RTL1: variants seen among roughly 807,000 people sequenced by gnomAD.
The protein encoded by RTL1 is retrotransposon Gag like 1, also known as retrotransposon-like protein 1.
For missense variants in RTL1, 1,681 were observed against 1,767.5 expected (o/e 0.95, Z 0.88); for synonymous variants, 727 against 748.4 (o/e 0.97, Z 0.47).
intron 2 of RTL1, among the ~76,000 whole-genome samples, chr14:100,896,991 C>A (rs2038866470): frequency 6.6e-6 from 1 of 152,116 alleles, no homozygotes; most frequent in Non-Finnish European, 1.5e-5. Context: ...CTTTTAAAGA[C>A]CAAAAAGTAA....
chr14:100,883,599 G>C lies in RTL1; in HGVS notation c.1190C>G (p.Pro397Arg). 1 of 1,551,400 alleles carries C rather than the reference G, an allele frequency of 6.4e-7. No homozygotes were observed. The highest frequency in any genetic ancestry group is 8.7e-7 in the Non-Finnish European group (1 of 1,146,970). Residue 397 changes from proline (P) to arginine (R), a missense_variant, in exon 4 of 4, where the codon CCC (proline) becomes CGC (arginine). Physicochemically the swap from Pro to Arg is moderately radical, Grantham distance 103. Transcript: ENST00000649591. The surrounding 1 kb of genome is among the most constrained non-coding windows in gnomAD (Gnocchi z 5.9). ...ATTGATGTCCGGATGGACTTCGCTG[G>C]GCAACCAGCTGCTGACCATCCACCT... ...PERWMVSSWLPSEVHPDINRA... is the reference protein window; with the variant it reads ...PERWMVSSWLRSEVHPDINRA...
In RTL1 at chr14:100,882,563, C is replaced by T; in HGVS notation, c.2226G>A (p.Gln742=). The T allele has an allele frequency of 3.9e-6, 6 of 1,551,790 alleles. No homozygotes were observed. Among genetic ancestry groups the T allele is most frequent in the Non-Finnish European group, 5.2e-6 (6 of 1,147,020 alleles). ...GGCGGACGTGGTGGAGGTGCTCCTC[C>T]TGACTCATTGAGTAGATCAGGACTT... ...GQEVLIYSMS[Q]EEHLHHVRQV... Residue 742 remains glutamine (Q), a synonymous_variant, in exon 4 of 4, where the codon CAG becomes CAA. Transcript: ENST00000649591.
At position 100,883,255 on chromosome 14, in the gene RTL1, G is replaced by C; in HGVS notation, c.1534C>G (p.His512Asp). 6.4e-7 allele frequency: 1 copy of C among 1,551,390 alleles called. No homozygotes were observed. The highest frequency in any genetic ancestry group is 8.7e-7 in the Non-Finnish European group (1 of 1,146,828). ...TTGATCCAGTCGACTTCGGGGGCGT[G>C]GACTCGGAGCCAGCGGATGCCTAGG... ...VVLGIRWLRVHAPEVDWIKGR... is the reference protein window; with the variant it reads ...VVLGIRWLRVDAPEVDWIKGR... Residue 512 changes from histidine (H) to aspartate (D), a missense_variant, in exon 4 of 4, where the codon CAC becomes GAC. His to Asp is a moderately conservative substitution (Grantham distance 81). Coordinates refer to ENST00000649591, the MANE Select transcript of RTL1 (RefSeq NM_001134888.3). This position sits in a 1 kb window ranked among gnomAD's most constrained non-coding sequence, Gnocchi z 5.9.
chr14:100,884,349 T>A lies in RTL1; in HGVS notation c.440A>T (p.Glu147Val). ...CTGGTTTTGCTCTTGAGGAGTCTCC[T>A]CCCTTCCCGATTCCTTCAGGTCAGT... Reference protein sequence around the residue: ...AHTDLKESGREETPQEQNQTE... With the variant: ...AHTDLKESGRVETPQEQNQTE... Residue 147 changes from glutamate to valine, a missense_variant, in exon 4 of 4, where the codon GAG becomes GTG. Physicochemically the swap from Glu to Val is moderately radical, Grantham distance 121. Transcript: ENST00000649591. 1.3e-6 allele frequency: 2 copies of A among 1,556,050 alleles called. No homozygotes were observed. The highest frequency in any genetic ancestry group is 1.7e-6 in the Non-Finnish European group (2 of 1,148,896).
In RTL1 at chr14:100,880,707, C is replaced by T. The variant is rs968677994; in HGVS notation, c.*5G>A. On this transcript the variant is annotated 3_prime_UTR_variant, in exon 4 of 4. Coordinates refer to ENST00000649591, the MANE Select transcript of RTL1 (RefSeq NM_001134888.3). ...GGACTCTTTGCTGGAGACAGGGAGG[C>T]GTCTTCAGTCGAGGTTAGCATCTTC... 1.6e-5 allele frequency: 25 copies of T among 1,550,558 alleles called. No homozygotes were observed. The highest frequency in any genetic ancestry group is 2.0e-5 in the Admixed American group (1 of 50,954).
At position 100,879,979 on chromosome 14, in the gene RTL1, C is replaced by G. The variant is rs1595331815; in HGVS notation, c.*733G>C. ...TGTTCAGTGTTGGGAGGGAAAGGCG[C>G]CCCAAGGCATGCAGGGGCCCTCTTT... On this transcript the variant is annotated 3_prime_UTR_variant, in exon 4 of 4. Coordinates refer to ENST00000649591, the MANE Select transcript of RTL1 (RefSeq NM_001134888.3). Among the ~76,000 whole-genome samples, 1 of 151,918 alleles carries G rather than the reference C, an allele frequency of 6.6e-6. No homozygotes were observed. Among genetic ancestry groups the G allele is most frequent in the Admixed American group, 6.6e-5 (1 of 15,252 alleles).
At chr14:100,889,797 C>T (rs1240386454) in intron 3 of RTL1, 1 of 152,174 alleles carries the variant, frequency 6.6e-6, no homozygotes, top group Non-Finnish European at 1.5e-5. Context: ...GGGGTTCCCT[C>T]CACACCTGCT....
rs1358857723 is a variant in RTL1, at chr14:100,881,569, C to T, written c.3220G>A (p.Ala1074Thr). ...LAHFSMAQIR[A>T]VILHFFRGLL... is the part of the protein sequence containing the mutation. ...CCTCGGAAGAAGTGCAGAATGACGGCCCTGATCTGGGCCATGCTGAAGTGG... is the reference window on the plus strand; with the variant it reads ...CCTCGGAAGAAGTGCAGAATGACGGTCCTGATCTGGGCCATGCTGAAGTGG... The change falls in exon 4 of 4, where the codon GCC becomes ACC. Residue 1074 changes from alanine (A) to threonine (T), a missense_variant. Coordinates refer to ENST00000649591, the MANE Select transcript of RTL1 (RefSeq NM_001134888.3). This position sits in a 1 kb window ranked among gnomAD's most constrained non-coding sequence, Gnocchi z 6.6. 1.3e-6 allele frequency: 2 copies of T among 1,551,754 alleles called. No homozygotes were observed. Among genetic ancestry groups the T allele is most frequent in the African/African-American group, 1.4e-5 (1 of 73,188 alleles).
In RTL1 at chr14:100,880,735, C is replaced by A. The variant is rs2038594988; in HGVS notation, c.4054G>T (p.Asp1352Tyr). The A allele has an allele frequency of 6.4e-7, 1 of 1,550,782 alleles. No homozygotes were observed. Among genetic ancestry groups the A allele is most frequent in the Non-Finnish European group, 8.7e-7 (1 of 1,146,960 alleles). Residue 1352 changes from aspartate (D) to tyrosine (Y), a missense_variant, in exon 4 of 4, where the codon GAC becomes TAC. Coordinates refer to ENST00000649591, the MANE Select transcript of RTL1 (RefSeq NM_001134888.3). ...CTTCAGTCGAGGTTAGCATCTTCGT[C>A]CTCATCAGGCAGCTCTTCTAGCCTT... ...QARLEELPDE[D>Y]EDANLD
At chr14:100,897,751 CG>C (rs67432304) in intron 2 of RTL1, 879 of 50,122 alleles carry the variant, frequency 0.018, 13 homozygotes, top group Middle Eastern at 0.047. Flanking sequence ...CCCTGGTTGG[CG>C]GGGGGGGGGG....
At chr14:100,891,800 T>A (rs4243730) in intron 3 of RTL1, among the ~76,000 whole-genome samples, 110,431 of 152,028 alleles carry the variant, frequency 0.73, 40,575 homozygotes, top group East Asian at 0.83. Flanking sequence ...CTAGATGGGC[T>A]CTGACTGTCA....
intron 3 of RTL1, among the ~76,000 whole-genome samples, chr14:100,887,706 C>T (rs1199198257): frequency 9.9e-5 from 15 of 151,854 alleles, no homozygotes; most frequent in Admixed American, 9.8e-4. Context: ...GCCGAGATTG[C>T]GCCGCTGCAC....
At chr14:100,899,735 A>G (rs2038916592) in intron 2 of RTL1, among the ~76,000 whole-genome samples, 1 of 149,952 alleles carries the variant, frequency 6.7e-6, no homozygotes, top group Non-Finnish European at 1.5e-5. Flanking sequence ...AGGACTCATA[A>G]TCTCTCTCAC....
Position 100,884,386 on chromosome 14 carries a change from G to C in RTL1, c.403C>G (p.Gln135Glu). 1.9e-6 allele frequency: 3 copies of C among 1,585,960 alleles called. No homozygotes were observed. Among genetic ancestry groups the C allele is most frequent in the East Asian group, 2.3e-5 (1 of 43,872 alleles). ...SVNPSGAREE[Q>E]EAHTDLKESG... ...TCCTTCAGGTCAGTGTGAGCCTCTT[G>C]TTCTTCTCGGGCTCCCGATGGGTTG... Residue 135 changes from glutamine to glutamate, a missense_variant, in exon 4 of 4, where the codon CAA (glutamine) becomes GAA (glutamate). Coordinates refer to ENST00000649591, the MANE Select transcript of RTL1 (RefSeq NM_001134888.3).
At chr14:100,890,074 GAAAAAAAAAAAAA>G (rs55688942) in intron 3 of RTL1, among the ~76,000 whole-genome samples, 1 of 123,868 alleles carries the variant, frequency 8.1e-6, no homozygotes, top group Admixed American at 8.7e-5. Flanking sequence ...CGCCTTATTT[GAAAAAAAAAAAAA>G]AAAAAAGAAG....
At position 100,885,270 on chromosome 14, in the gene RTL1, G is replaced by T. The variant is rs78417200; in HGVS notation, c.-86-396C>A. 1.4e-4 allele frequency among the ~76,000 whole-genome samples: 21 copies of T among 152,326 alleles called. No homozygotes were observed. In the East Asian group the frequency reaches 4.1e-3, roughly 29 times the overall value. On this transcript the variant is annotated intron_variant, in intron 3 of 3. Coordinates refer to ENST00000649591, the MANE Select transcript of RTL1 (RefSeq NM_001134888.3). ...CTCTTTTCCTGCTTTGGTCACCTGAGAATCACAGAGGTCACATCTCAGCAC... is the reference window on the plus strand; with the variant it reads ...CTCTTTTCCTGCTTTGGTCACCTGATAATCACAGAGGTCACATCTCAGCAC...
Position 100,899,853 on chromosome 14 carries a change from G to A in RTL1, c.-149+3438C>T, listed in dbSNP as rs147713063. On this transcript the variant is annotated intron_variant, in intron 2 of 3. Transcript: ENST00000649591. Reference sequence around the variant, plus strand: ...TCGGTAGCTCTCCCCATCTTACCCCGTCATGAAATGCTTAACCCCCTCCCT... The same window carrying A: ...TCGGTAGCTCTCCCCATCTTACCCCATCATGAAATGCTTAACCCCCTCCCT... Among the ~76,000 whole-genome samples the A allele has an allele frequency of 2.5e-3, 379 of 152,212 alleles. 1 individual carries two copies. The highest frequency in any genetic ancestry group is 8.6e-3 in the African/African-American group (356 of 41,524).
At chr14:100,900,753 C>T (rs1312427011) in intron 2 of RTL1, among the ~76,000 whole-genome samples, 1 of 152,218 alleles carries the variant, frequency 6.6e-6, no homozygotes, top group Non-Finnish European at 1.5e-5. Flanking sequence ...AACCAGAAAT[C>T]CCTGTTCACA....
At chr14:100,888,822 CCT>C (rs2038728892) in intron 3 of RTL1, among the ~76,000 whole-genome samples, 2 of 152,256 alleles carry the variant, frequency 1.3e-5, no homozygotes, top group East Asian at 3.9e-4. Context: ...TCATTTAACT[CCT>C]CTGATTAAAA....
Sources: allele counts gnomAD v4.1 joint callset (sites outside exome capture counted in the v4.1 genomes callset), GRCh38; gene constraint gnomAD v4.1.1; non-coding constraint Gnocchi (gnomAD v3.1); transcripts MANE v1.5; gene names NCBI Gene and HGNC (gene_info 2026-07-23, HGNC 2026-07-21).